The following PSTPIP2 variants were observed in gnomAD, a reference collection of about 807,000 sequenced individuals.
PSTPIP2 encodes proline-serine-threonine phosphatase interacting protein 2, also known as proline-serine-threonine phosphatase-interacting protein 2.
PSTPIP2 carries 33 observed loss-of-function variants against 63.3 expected under a neutral mutation model. The observed-to-expected ratio is 0.52, with a 90% CI of 0.40 to 0.70. The LOEUF is 0.70. Among genes scored for constraint, PSTPIP2 ranks in the 30% least tolerant of loss-of-function variants. The pLI is 0.00. For synonymous variants in PSTPIP2, 125 were observed against 132.7 expected (o/e 0.94, Z 0.40); for missense variants, 312 against 400.7 (o/e 0.78, Z 1.89).
chr18:45,987,721 T>C (rs1414342915), intron 14 of PSTPIP2, among the ~76,000 whole-genome samples: 1 of 152,210 alleles, frequency 6.6e-6, no homozygotes, highest in Non-Finnish European at 1.5e-5. Context: ...AGAATGATAC[T>C]TTATGAAGAG....
At chr18:45,993,977 C>G (rs1340238292) in intron 9 of PSTPIP2, 3 of 400,832 alleles carry the variant, frequency 7.5e-6, no homozygotes, top group East Asian at 1.1e-4. Flanking sequence ...TAACTGAGTT[C>G]CTACCGACAT....
chr18:46,004,463 ATTAC>A (rs980502345), intron 6 of PSTPIP2, among the ~76,000 whole-genome samples: 16 of 152,252 alleles, frequency 1.1e-4, no homozygotes, highest in African/African-American at 3.9e-4. Context: ...TTTTAAATAA[ATTAC>A]TTAAAGGAAA....
intron 10 of PSTPIP2, among the ~76,000 whole-genome samples, chr18:45,992,549 C>T (rs895208422): frequency 6.9e-6 from 1 of 145,836 alleles, no homozygotes; most frequent in Non-Finnish European, 1.5e-5. Flanking sequence ...GGCGACAGTG[C>T]GAGACTCCGT....
intron 9 of PSTPIP2, among the ~76,000 whole-genome samples, chr18:45,997,303 C>T (rs1011182007): frequency 6.6e-6 from 1 of 152,176 alleles, no homozygotes; most frequent in African/African-American, 2.4e-5. Flanking sequence ...ATACTCCTGC[C>T]TCAGCCTCTA....
Position 46,065,757 on chromosome 18 carries a change from G to A in PSTPIP2, c.33+6399C>T, listed in dbSNP as rs184971140. 1.3e-3 allele frequency among the ~76,000 whole-genome samples: 198 copies of A among 152,048 alleles called. 1 individual carries two copies. In the Middle Eastern group the frequency reaches 0.014, roughly 10 times the overall value. ...TGGGATTACAGGCGTAAGCCACCGC[G>A]CCCGGCCAATTTTTGTATTTCTTTA... On this transcript the variant is annotated intron_variant, in intron 1 of 14. Transcript: ENST00000409746.
At chr18:45,997,338 G>A (rs1310075890) in intron 9 of PSTPIP2, among the ~76,000 whole-genome samples, 1 of 151,924 alleles carries the variant, frequency 6.6e-6, no homozygotes, top group East Asian at 1.9e-4. Context: ...ACAGGTGTGC[G>A]CCACCACACC....
intron 1 of PSTPIP2, among the ~76,000 whole-genome samples, chr18:46,059,524 C>T (rs933164452): frequency 1.2e-4 from 18 of 152,098 alleles, no homozygotes; most frequent in African/African-American, 4.3e-4. Flanking sequence ...GCTGGGATTA[C>T]AGGCGTGAGC....
intron 1 of PSTPIP2, among the ~76,000 whole-genome samples, chr18:46,043,619 C>A (rs1327871703): frequency 6.6e-6 from 1 of 152,176 alleles, no homozygotes; most frequent in Non-Finnish European, 1.5e-5. Flanking sequence ...TCTGCTCTCA[C>A]TACTTCTATT....
At chr18:46,052,517 C>A (rs1034256396) in intron 1 of PSTPIP2, among the ~76,000 whole-genome samples, 12 of 152,106 alleles carry the variant, frequency 7.9e-5, no homozygotes, top group African/African-American at 2.4e-4. Flanking sequence ...CTTGGCTTAC[C>A]TCTTTATCCC....
chr18:46,035,327 T>C (rs561364078), intron 2 of PSTPIP2, among the ~76,000 whole-genome samples: 1 of 150,314 alleles, frequency 6.7e-6, no homozygotes, highest in South Asian at 2.1e-4. Context: ...GGCTTAGGTG[T>C]GAGAATTGTC....
chr18:46,029,764 C>A, intron 2 of PSTPIP2: 1 of 558,142 alleles, frequency 1.8e-6, no homozygotes, highest in South Asian at 1.9e-5. Flanking sequence ...AACTATTTCT[C>A]ATGTTTACGC....
At chr18:46,006,601 G>A (rs1027862515) in intron 5 of PSTPIP2, among the ~76,000 whole-genome samples, 3 of 146,998 alleles carry the variant, frequency 2.0e-5, no homozygotes, top group African/African-American at 7.6e-5. Flanking sequence ...GTCTCGAACT[G>A]CTGACCTCAT....
At chr18:46,002,659 T>C (rs2051679718) in intron 6 of PSTPIP2, among the ~76,000 whole-genome samples, 1 of 152,204 alleles carries the variant, frequency 6.6e-6, no homozygotes, top group African/African-American at 2.4e-5. Context: ...GTTTCTTTCA[T>C]TTGTTTCAAG....
At chr18:46,015,855 G>A (rs199638159) in intron 4 of PSTPIP2, 48 bp downstream of exon 4, 42 of 1,570,310 alleles carry the variant, frequency 2.7e-5, no homozygotes, top group Admixed American at 1.6e-4. Flanking sequence ...ACAGACACAG[G>A]GCTTGTCAAG....
intron 2 of PSTPIP2, among the ~76,000 whole-genome samples, chr18:46,032,648 G>T (rs1907824325): frequency 6.6e-6 from 1 of 151,438 alleles, no homozygotes; most frequent in African/African-American, 2.4e-5. Flanking sequence ...CAGCTACTCA[G>T]GAGGCTGAAG....
At chr18:46,030,138 AAAAG>A (rs1568222960) in intron 2 of PSTPIP2, among the ~76,000 whole-genome samples, 1 of 151,858 alleles carries the variant, frequency 6.6e-6, no homozygotes, top group African/African-American at 2.4e-5. Flanking sequence ...AAAGAAAAGA[AAAAG>A]AAAGAAAGAA....
At position 46,059,888 on chromosome 18, in the gene PSTPIP2, G is replaced by A. The variant is rs1047324490; in HGVS notation, c.33+12268C>T. Among the ~76,000 whole-genome samples the A allele has an allele frequency of 3.9e-5, 6 of 152,184 alleles. No individual in the cohort carries two copies. The East Asian group carries it at 5.8e-4, about 15-fold the overall frequency. ...AATAAAAATACAAAAAAAATTACCC[G>A]GGCGTGGTGGCACATGCCTGTAATC... On this transcript the variant is annotated intron_variant, in intron 1 of 14. Transcript: ENST00000409746.
chr18:45,988,442 A>G (rs1206521181), intron 14 of PSTPIP2, among the ~76,000 whole-genome samples: 2 of 151,970 alleles, frequency 1.3e-5, no homozygotes. Flanking sequence ...TTCGAAAAAA[A>G]AAAGCAGATA....
intron 1 of PSTPIP2, among the ~76,000 whole-genome samples, chr18:46,058,810 G>A (rs949394297): frequency 2.0e-5 from 3 of 152,212 alleles, no homozygotes; most frequent in Non-Finnish European, 2.9e-5. Flanking sequence ...CACCAGCGGG[G>A]TGGGACCCTC....
Sources: allele counts gnomAD v4.1 joint callset (sites outside exome capture counted in the v4.1 genomes callset), GRCh38; gene constraint gnomAD v4.1.1; transcripts MANE v1.5; gene names NCBI Gene and HGNC (gene_info 2026-07-23, HGNC 2026-07-21).